P2RY14: variants seen among roughly 807,000 people sequenced by gnomAD.
The protein encoded by P2RY14 is purinergic receptor P2Y14, also known as P2Y purinoceptor 14.
Under a neutral mutation model 0.9 loss-of-function variants are expected in P2RY14, and 2 were observed. The ratio of observed to expected loss-of-function variants is 2.16; its 90% CI spans 0.88 to 6.79. P2RY14 has a LOEUF of 6.79. Among genes scored for constraint, P2RY14 ranks in the 30% most tolerant of loss-of-function variants. P2RY14 has a pLI of 0.05. For synonymous variants in P2RY14, 158 were observed against 147.2 expected (o/e 1.07, Z -0.53); for missense variants, 378 against 400.1 (o/e 0.94, Z 0.47).
rs576092208 is a variant in P2RY14, at chr3:151,278,281, T to C, written c.-133+6A>G. ...AAGTCATTTCATGGAAAAGCTGTTT[T>C]CTTACCTGCGTCTAGGCCTTCATCT... On this transcript the variant is annotated splice_donor_region_variant and intron_variant, in intron 1 of 2. Coordinates refer to ENST00000309170, the MANE Select transcript of P2RY14 (RefSeq NM_014879.4). The C allele has an allele frequency of 6.6e-6, 1 of 152,354 alleles. No homozygotes were observed. The highest frequency in any genetic ancestry group is 6.5e-5 in the Admixed American group (1 of 15,298). 9.4% of individuals were successfully genotyped at this position (152,354 alleles called of 1,614,324 possible).
chr3:151,235,909 C>T (rs1378075255), intron 1 of P2RY14, among the ~76,000 whole-genome samples: 3 of 152,038 alleles, frequency 2.0e-5, no homozygotes, highest in Non-Finnish European at 4.4e-5. Context: ...TAGCCTCTTA[C>T]CACGTTTGTT....
At chr3:151,256,833 G>C (rs1167462139) in intron 1 of P2RY14, among the ~76,000 whole-genome samples, 6 of 146,668 alleles carry the variant, frequency 4.1e-5, no homozygotes, top group South Asian at 2.2e-4. Context: ...TTTTTTCTTG[G>C]TGGGAAATGA....
At chr3:151,273,402 A>ATTC (rs1741328027) in intron 1 of P2RY14, among the ~76,000 whole-genome samples, 2 of 113,672 alleles carry the variant, frequency 1.8e-5, no homozygotes, top group Non-Finnish European at 3.5e-5. Context: ...TAATTTTTGT[A>ATTC]TTTTTTTTTT....
At chr3:151,241,584 G>A (rs1734088055) in intron 1 of P2RY14, among the ~76,000 whole-genome samples, 1 of 152,060 alleles carries the variant, frequency 6.6e-6, no homozygotes, top group South Asian at 2.1e-4. Flanking sequence ...GAATACATAT[G>A]CACACACACT....
At chr3:151,263,547 C>G (rs1307934369) in intron 1 of P2RY14, among the ~76,000 whole-genome samples, 2 of 152,120 alleles carry the variant, frequency 1.3e-5, no homozygotes, top group Non-Finnish European at 2.9e-5. Flanking sequence ...ATATCATGAG[C>G]TTTACGTGTT....
At chr3:151,249,409 C>T (rs1164110973) in intron 1 of P2RY14, among the ~76,000 whole-genome samples, 6 of 152,146 alleles carry the variant, frequency 3.9e-5, no homozygotes, top group Non-Finnish European at 8.8e-5. Context: ...AACATCTGCA[C>T]GTTTCCTTCT....
chr3:151,230,693 T>C (rs1418808179), intron 1 of P2RY14, among the ~76,000 whole-genome samples: 1 of 152,156 alleles, frequency 6.6e-6, no homozygotes, highest in African/African-American at 2.4e-5. Context: ...CTTCAAACTT[T>C]AAACCTGCTC....
At chr3:151,244,941 C>T (rs1381702327) in intron 1 of P2RY14, among the ~76,000 whole-genome samples, 3 of 152,148 alleles carry the variant, frequency 2.0e-5, no homozygotes, top group Non-Finnish European at 4.4e-5. Context: ...GGGGATATCA[C>T]CACTGATCCC....
At chr3:151,228,883 G>T (rs976163573) in intron 1 of P2RY14, among the ~76,000 whole-genome samples, 4 of 152,106 alleles carry the variant, frequency 2.6e-5, no homozygotes, top group African/African-American at 9.7e-5. Flanking sequence ...CCTATTCCCT[G>T]GGGCCAGGCA....
intron 1 of P2RY14, among the ~76,000 whole-genome samples, chr3:151,224,019 C>T (rs1347377987): frequency 1.3e-5 from 2 of 152,124 alleles, no homozygotes; most frequent in Non-Finnish European, 2.9e-5. Context: ...ATCAAATATG[C>T]CTAATATTAC....
At chr3:151,251,508 AGAGGAATCC>A (rs1296176811) in intron 1 of P2RY14, among the ~76,000 whole-genome samples, 1 of 152,066 alleles carries the variant, frequency 6.6e-6, no homozygotes, top group East Asian at 1.9e-4. Flanking sequence ...CTCACCCGTG[AGAGGAATCC>A]CTCTAAAATA....
Position 151,213,389 on chromosome 3 carries a change from A to G in P2RY14, c.928T>C (p.Leu310=), listed in dbSNP as rs762688566. ...QPFREILCKK[L]HIPLKAQNDL... ...TTCTGAGCTTTTAATGGAATGTGCA[A>G]TTTCTTACATAAGATTTCCCTAAAC... The change falls in exon 3 of 3, where the codon TTG becomes CTG. Residue 310 remains leucine, a synonymous_variant. Coordinates refer to ENST00000309170, the MANE Select transcript of P2RY14 (RefSeq NM_014879.4). 16 of 1,613,922 alleles carry G rather than the reference A, an allele frequency of 9.9e-6. No homozygotes were observed. The highest frequency in any genetic ancestry group is 3.3e-5 in the South Asian group (3 of 91,070).
intron 1 of P2RY14, among the ~76,000 whole-genome samples, chr3:151,241,331 GA>G (rs774700465): frequency 5.3e-5 from 8 of 152,152 alleles, no homozygotes; most frequent in Non-Finnish European, 8.8e-5. Context: ...CAATATCAAA[GA>G]GTATGGCAAA....
intron 1 of P2RY14, among the ~76,000 whole-genome samples, chr3:151,240,389 T>G (rs1485588819): frequency 6.6e-6 from 1 of 152,212 alleles, no homozygotes; most frequent in Non-Finnish European, 1.5e-5. Flanking sequence ...TCCTAATAAG[T>G]TATTAGCAGG....
At chr3:151,272,015 G>A (rs1741042965) in intron 1 of P2RY14, among the ~76,000 whole-genome samples, 1 of 152,152 alleles carries the variant, frequency 6.6e-6, no homozygotes, top group Non-Finnish European at 1.5e-5. Flanking sequence ...ATAAATTAGG[G>A]GAAAAAGTCA....
At chr3:151,264,068 G>A (rs1194899215) in intron 1 of P2RY14, among the ~76,000 whole-genome samples, 1 of 152,100 alleles carries the variant, frequency 6.6e-6, no homozygotes, top group Non-Finnish European at 1.5e-5. Context: ...TTTCTTTTGA[G>A]TAGTTCTACT....
chr3:151,233,300 T>C (rs1732075728), intron 1 of P2RY14, among the ~76,000 whole-genome samples: 1 of 152,234 alleles, frequency 6.6e-6, no homozygotes, highest in African/African-American at 2.4e-5. Flanking sequence ...TCTGTAGCAA[T>C]AGCTACCATT....
intron 1 of P2RY14, among the ~76,000 whole-genome samples, chr3:151,275,610 A>G: frequency 6.6e-6 from 1 of 152,204 alleles, no homozygotes; most frequent in Non-Finnish European, 1.5e-5. Context: ...CGGTGAATTA[A>G]TGTAACCAAA....
At chr3:151,244,766 T>C (rs1477296949) in intron 1 of P2RY14, among the ~76,000 whole-genome samples, 1 of 151,806 alleles carries the variant, frequency 6.6e-6, no homozygotes, top group Admixed American at 6.6e-5. Flanking sequence ...ATAACTAAAA[T>C]CGGAGCAGAA....
Sources: allele counts gnomAD v4.1 joint callset (sites outside exome capture counted in the v4.1 genomes callset), GRCh38; gene constraint gnomAD v4.1.1; transcripts MANE v1.5; gene names NCBI Gene and HGNC (gene_info 2026-07-23, HGNC 2026-07-21).